NRDC: variants seen among roughly 807,000 people sequenced by gnomAD.
NRDC encodes the protein nardilysin convertase.
NRDC carries 54 observed loss-of-function variants against 147.1 expected under a neutral mutation model. The ratio of observed to expected loss-of-function variants is 0.37; its 90% CI spans 0.29 to 0.46. NRDC has a LOEUF of 0.46. Among genes scored for constraint, NRDC ranks in the 20% least tolerant of loss-of-function variants. NRDC has a pLI of 1.00. For synonymous variants in NRDC, 440 were observed against 482.1 expected, an observed-to-expected ratio of 0.91 and a Z score of 1.14; for missense variants, 1,082 against 1,370.6, an observed-to-expected ratio of 0.79 and a Z score of 3.33.
intron 11 of NRDC, 66 bp from the exon 12 acceptor site, chr1:51,814,879 T>C (rs1253079865): frequency 7.0e-7 from 1 of 1,434,820 alleles, no homozygotes; most frequent in Non-Finnish European, 9.3e-7. Flanking sequence ...ACATTCAAAT[T>C]AACAAAATAT....
At chr1:51,876,582 G>A (rs1425387048) in intron 1 of NRDC, among the ~76,000 whole-genome samples, 1 of 152,144 alleles carries the variant, frequency 6.6e-6, no homozygotes, top group Non-Finnish European at 1.5e-5. Context: ...TTGGATTTCC[G>A]AGCATTCTGG....
chr1:51,874,123 T>C (rs1241957617), intron 1 of NRDC, among the ~76,000 whole-genome samples: 3 of 147,646 alleles, frequency 2.0e-5, no homozygotes, highest in Non-Finnish European at 4.5e-5. Context: ...TGAAATCCTG[T>C]CTCAAAATTT....
chr1:51,796,596 T>C lies in NRDC; in HGVS notation c.2604+1653A>G, dbSNP rs1469596464. Among the ~76,000 whole-genome samples, 553 of 149,878 alleles carry C rather than the reference T, an allele frequency of 3.7e-3. 3 individuals are homozygous for C. Among genetic ancestry groups the C allele is most frequent in the Non-Finnish European group, 4.7e-3 (314 of 67,406 alleles). Reference sequence around the variant, plus strand: ...TATAAAGTTTATAATCTCAACTTTTTTTTTTTTTAGACGAGGAGTCTCACT... The same window carrying C: ...TATAAAGTTTATAATCTCAACTTTTCTTTTTTTTAGACGAGGAGTCTCACT... On this transcript the variant is annotated intron_variant, in intron 22 of 30. Transcript: ENST00000352171.
At chr1:51,828,718 C>CTTTTTTT (rs34609463) in intron 4 of NRDC, among the ~76,000 whole-genome samples, 1 of 136,438 alleles carries the variant, frequency 7.3e-6, no homozygotes, top group Non-Finnish European at 1.6e-5. Context: ...GTTTAGTAAA[C>CTTTTTTT]TTTTTTTTTT....
At chr1:51,850,067 C>A (rs1681870316) in intron 1 of NRDC, among the ~76,000 whole-genome samples, 1 of 151,840 alleles carries the variant, frequency 6.6e-6, no homozygotes, top group South Asian at 2.1e-4. Context: ...ATCCCAGCTA[C>A]TCTGGAGGCT....
At chr1:51,790,061 A>C (rs914936643) in intron 29 of NRDC, among the ~76,000 whole-genome samples, 2 of 152,154 alleles carry the variant, frequency 1.3e-5, no homozygotes, top group African/African-American at 4.8e-5. Flanking sequence ...TACATCACAG[A>C]GCAATGATGT....
At chr1:51,819,284 C>T (rs1316868433) in intron 9 of NRDC, among the ~76,000 whole-genome samples, 1 of 148,862 alleles carries the variant, frequency 6.7e-6, no homozygotes, top group Non-Finnish European at 1.5e-5. Context: ...GGCAACAGAG[C>T]GAGACTCTGT....
intron 20 of NRDC, among the ~76,000 whole-genome samples, chr1:51,803,397 C>T (rs929059548): frequency 1.3e-5 from 2 of 151,270 alleles, no homozygotes; most frequent in Non-Finnish European, 2.9e-5. Flanking sequence ...ACTGATTGAA[C>T]CCGGGAGGCG....
chr1:51,846,703 T>C (rs139385791), intron 1 of NRDC, among the ~76,000 whole-genome samples: 253 of 152,354 alleles, frequency 1.7e-3, no homozygotes, highest in African/African-American at 5.8e-3. Flanking sequence ...ACCAACAAGA[T>C]TTATCGCCAA....
intron 1 of NRDC, among the ~76,000 whole-genome samples, chr1:51,851,733 G>T (rs1192611421): frequency 6.6e-6 from 1 of 151,932 alleles, no homozygotes; most frequent in South Asian, 2.1e-4. Context: ...TTTTACAAAG[G>T]ACACTTAATA....
At chr1:51,813,960 A>G in intron 14 of NRDC, 75 bp downstream of exon 14, 1 of 1,000,498 alleles carries the variant, frequency 1.0e-6, no homozygotes, top group Non-Finnish European at 1.6e-6. Context: ...CGACACTTTC[A>G]AAAAGAGGAA....
chr1:51,791,920 CTAAA>C, intron 26 of NRDC, 122 bp downstream of exon 26: 1 of 981,614 alleles, frequency 1.0e-6, no homozygotes, highest in South Asian at 1.5e-5. Flanking sequence ...GTTTGGATGA[CTAAA>C]TATCACCCTA....
intron 29 of NRDC, 89 bp downstream of exon 29, chr1:51,790,444 A>T: frequency 1.2e-6 from 1 of 821,198 alleles, no homozygotes; most frequent in Non-Finnish European, 2.1e-6. Context: ...TTTCTCTTCC[A>T]CACAATGCTG....
At chr1:51,834,793 A>G (rs1571881906) in intron 3 of NRDC, among the ~76,000 whole-genome samples, 1 of 152,192 alleles carries the variant, frequency 6.6e-6, no homozygotes, top group Non-Finnish European at 1.5e-5. Context: ...TTTATTAATT[A>G]GATTAAAATT....
chr1:51,816,247 A>G (rs1475529493), intron 11 of NRDC, 65 bp downstream of exon 11: 1 of 1,028,182 alleles, frequency 9.7e-7, no homozygotes, highest in Non-Finnish European at 1.4e-6. Context: ...GCATTATATA[A>G]TACTTATTGT....
At chr1:51,790,058 CAG>C (rs989634958) in intron 29 of NRDC, among the ~76,000 whole-genome samples, 10 of 152,140 alleles carry the variant, frequency 6.6e-5, no homozygotes, top group African/African-American at 2.2e-4. Context: ...CTTTACATCA[CAG>C]AGCAATGATG....
chr1:51,819,164 T>C (rs1362739834), intron 9 of NRDC, among the ~76,000 whole-genome samples: 1 of 151,990 alleles, frequency 6.6e-6, no homozygotes, highest in Non-Finnish European at 1.5e-5. Context: ...CAGCTGGGCA[T>C]AGTGGTGAGT....
rs569094652 is a variant in NRDC, at chr1:51,878,383, A to G, written c.233T>C (p.Val78Ala). Residue 78 changes from valine (V) to alanine (A), a missense_variant, in exon 1 of 31, where the codon GTT becomes GCT. This residue lies in a region of NRDC where 260 missense variants were observed against 253.2 expected (regional missense o/e 1.03). Transcript: ENST00000352171. ...NGQDLGENSR[V>A]ARLGADESEE... ...AGATTCATCCGCTCCTAGACGGGCA[A>G]CCCGGCTGTTCTCGCCCAGATCCTG... The G allele has an allele frequency of 3.2e-5, 52 of 1,614,064 alleles. No individual in the cohort carries two copies. In the South Asian group the frequency reaches 5.2e-4, roughly 16 times the overall value.
At chr1:51,863,013 G>GGGAA (rs1553219028) in intron 1 of NRDC, among the ~76,000 whole-genome samples, 13 of 32,048 alleles carry the variant, frequency 4.1e-4, no homozygotes, top group Non-Finnish European at 6.5e-4. Flanking sequence ...CTGTGTGGAG[G>GGGAA]AAAAAAAAAA....
Sources: gnomAD v4.1 joint callset for allele counts (sites outside exome capture counted in the v4.1 genomes callset) on GRCh38, gnomAD v4.1.1 for gene constraint, gnomAD v4.1.1 regional missense constraint, MANE v1.5 for transcripts, NCBI Gene and HGNC (gene_info 2026-07-23, HGNC 2026-07-21) for gene names.